The following DOCK8 variants were observed in gnomAD, a reference collection of about 807,000 sequenced individuals.
DOCK8 encodes dedicator of cytokinesis protein 8.
A neutral mutation model predicts 245.6 loss-of-function variants in DOCK8; 141 were observed. The ratio of observed to expected loss-of-function variants is 0.57; its 90% CI spans 0.50 to 0.66. The LOEUF (loss-of-function observed/expected upper bound fraction) is 0.66. Ranked by LOEUF, DOCK8 falls within the 30% of genes least tolerant of loss-of-function variation. The pLI, the probability that DOCK8 is intolerant of heterozygous loss-of-function variation, is 0.00. For synonymous variants in DOCK8, 1,168 were observed against 970.2 expected (o/e 1.20, Z -3.79); for missense variants, 2,965 against 2,603.4 (o/e 1.14, Z -3.02).
chr9:386,421 A>C lies in DOCK8; in HGVS notation c.2869A>C (p.Lys957Gln). Reference protein sequence around the residue: ...SSPAAPRPASKKHFHEELALQ... With the variant: ...SSPAAPRPASQKHFHEELALQ... ...ACCTGCAGCCCCAAGGCCAGCCAGC[A>C]AAAAGGTACTGAAGAGAGCAATGTG... is the stretch of plus-strand genomic sequence containing the variant. The change falls in exon 23 of 48, where the codon AAA (lysine) becomes CAA (glutamine). Residue 957 changes from lysine to glutamine, a missense_variant. Around this residue, in one of 3 missense-constraint regions of DOCK8, gnomAD observed 2,825 missense variants for 2,453.5 expected, o/e 1.15. Transcript: ENST00000432829. 1.2e-6 allele frequency: 2 copies of C among 1,612,894 alleles called. No homozygotes were observed. The highest frequency in any genetic ancestry group is 1.7e-6 in the Non-Finnish European group (2 of 1,179,200).
Position 224,173 on chromosome 9 carries a change from GA to G in DOCK8, c.53+9146del, listed in dbSNP as rs2046941936. 5.3e-5 allele frequency among the ~76,000 whole-genome samples: 8 copies of G among 152,234 alleles called. No individual in the cohort carries two copies. In the South Asian group the frequency reaches 1.5e-3, roughly 28 times the overall value. On this transcript the variant is annotated intron_variant, in intron 1 of 47. Coordinates refer to ENST00000432829, the MANE Select transcript of DOCK8 (RefSeq NM_203447.4). The stretch of plus-strand genomic sequence containing the variant: ...AACTATAAAGAACAACGGTTATTTA[GA>G]ACTGTTCATTCTGACAGTGTTTTTC...
intron 14 of DOCK8, among the ~76,000 whole-genome samples, chr9:357,836 A>G (rs554440455): frequency 4.3e-4 from 66 of 151,978 alleles, no homozygotes; most frequent in Middle Eastern, 3.4e-3. Context: ...TTTACCTTCC[A>G]TTTTTCTTGC....
intron 44 of DOCK8, among the ~76,000 whole-genome samples, chr9:448,529 G>T (rs992555428): frequency 3.9e-5 from 6 of 152,332 alleles, no homozygotes; most frequent in African/African-American, 1.4e-4. Context: ...TTTACTGTCT[G>T]CACAATTCTA....
chr9:363,777 T>C (rs2131142570), intron 14 of DOCK8, among the ~76,000 whole-genome samples: 1 of 152,166 alleles, frequency 6.6e-6, no homozygotes, highest in East Asian at 1.9e-4. Context: ...GTGGTGATGT[T>C]TGGATACAGG....
intron 36 of DOCK8, among the ~76,000 whole-genome samples, chr9:430,983 C>T (rs1348367171): frequency 6.6e-6 from 1 of 152,152 alleles, no homozygotes; most frequent in East Asian, 1.9e-4. Flanking sequence ...GATCCTCCTA[C>T]TTCAGCCTCC....
intron 3 of DOCK8, 121 bp downstream of exon 3, chr9:286,757 A>T: frequency 1.1e-6 from 1 of 940,458 alleles, no homozygotes; most frequent in Admixed American, 2.0e-5. Context: ...AATCCATTCA[A>T]ATGTGTGGGA....
intron 1 of DOCK8, among the ~76,000 whole-genome samples, chr9:252,568 C>T (rs565386580): frequency 1.1e-3 from 160 of 151,842 alleles, no homozygotes; most frequent in African/African-American, 3.7e-3. Flanking sequence ...TTTGGGAGGC[C>T]GAGGCGGGCA....
intron 33 of DOCK8, among the ~76,000 whole-genome samples, chr9:425,451 G>A (rs1031844849): frequency 2.0e-5 from 3 of 149,510 alleles, no homozygotes; most frequent in Admixed American, 6.7e-5. Flanking sequence ...AGAATGGCGT[G>A]AACCCGGGAA....
intron 1 of DOCK8, among the ~76,000 whole-genome samples, chr9:221,899 A>G (rs2046891349): frequency 6.6e-6 from 1 of 152,094 alleles, no homozygotes; most frequent in Non-Finnish European, 1.5e-5. Flanking sequence ...TAGGCTGTAT[A>G]AAATCCTGTT....
chr9:304,409 C>G (rs1444261352), intron 4 of DOCK8, among the ~76,000 whole-genome samples, 172 bp from the exon 5 acceptor site: 1 of 152,120 alleles, frequency 6.6e-6, no homozygotes, highest in Non-Finnish European at 1.5e-5. Context: ...TACAACAGAG[C>G]CTTGTATTAG....
chr9:271,801 T>G, intron 2 of DOCK8, 72 bp downstream of exon 2: 1 of 1,021,492 alleles, frequency 9.8e-7, no homozygotes. Context: ...GTTTGCCTCC[T>G]GTTCCTTAGA....
intron 30 of DOCK8, among the ~76,000 whole-genome samples, chr9:418,980 G>A (rs1200020551): frequency 6.6e-6 from 1 of 152,160 alleles, no homozygotes; most frequent in African/African-American, 2.4e-5. Flanking sequence ...CCTAAGGAGG[G>A]TTGTTTGGCT....
At chr9:404,550 A>G (rs1233260384) in intron 26 of DOCK8, among the ~76,000 whole-genome samples, 1 of 152,074 alleles carries the variant, frequency 6.6e-6, no homozygotes, top group African/African-American at 2.4e-5. Context: ...TATGAGGTCA[A>G]CTCCTTTCAT....
At chr9:408,878 A>ACACACACACACG (rs1273263261) in intron 28 of DOCK8, among the ~76,000 whole-genome samples, 2 of 97,824 alleles carry the variant, frequency 2.0e-5, no homozygotes, top group Admixed American at 2.2e-4. Context: ...ACACACACAC[A>ACACACACACACG]CACACACACG....
chr9:438,662 C>T (rs765040267), intron 39 of DOCK8, among the ~76,000 whole-genome samples: 14 of 152,064 alleles, frequency 9.2e-5, no homozygotes, highest in East Asian at 3.9e-4. Context: ...AGGCTCTAAA[C>T]GCAATAGTTT....
intron 26 of DOCK8, among the ~76,000 whole-genome samples, chr9:400,214 CTAT>C (rs1257090938): frequency 2.5e-4 from 26 of 103,584 alleles, no homozygotes; most frequent in Non-Finnish European, 4.2e-4. Context: ...ACCACCTCCA[CTAT>C]CACCACCACC....
At chr9:252,438 A>T (rs531420451) in intron 1 of DOCK8, among the ~76,000 whole-genome samples, 5 of 152,190 alleles carry the variant, frequency 3.3e-5, no homozygotes, top group Non-Finnish European at 7.3e-5. Flanking sequence ...TCATTGGAAT[A>T]TGATTACTGT....
intron 20 of DOCK8, among the ~76,000 whole-genome samples, chr9:378,006 C>G (rs1275743762): frequency 6.6e-6 from 1 of 152,182 alleles, no homozygotes; most frequent in Non-Finnish European, 1.5e-5. Flanking sequence ...GCTTTCCAGT[C>G]CAGCAGACGT....
chr9:339,663 T>C (rs1262066709), intron 13 of DOCK8, among the ~76,000 whole-genome samples: 50 of 152,112 alleles, frequency 3.3e-4, no homozygotes, highest in Admixed American at 3.2e-3. Flanking sequence ...TACAGGTGCC[T>C]GCCACCACGC....
Sources: allele counts gnomAD v4.1 joint callset (sites outside exome capture counted in the v4.1 genomes callset), GRCh38; gene constraint gnomAD v4.1.1; regional missense constraint gnomAD v4.1.1; transcripts MANE v1.5; gene names NCBI Gene and HGNC (gene_info 2026-07-23, HGNC 2026-07-21).